The following SAMD12 variants were observed in gnomAD, a reference collection of about 807,000 sequenced individuals.
The protein encoded by SAMD12 is sterile alpha motif domain containing 12, also known as sterile alpha motif domain-containing protein 12.
SAMD12 carries 9 observed loss-of-function variants against 15.0 expected under a neutral mutation model. The observed-to-expected ratio is 0.60, with a 90% CI of 0.36 to 1.05. SAMD12 has a LOEUF of 1.05. Among genes scored for constraint, SAMD12 ranks in the 50% least tolerant of loss-of-function variants. SAMD12 has a pLI of 0.01. For missense variants in SAMD12, 230 were observed against 234.2 expected, an observed-to-expected ratio of 0.98 and a Z score of 0.12; for synonymous variants, 86 against 90.1, an observed-to-expected ratio of 0.96 and a Z score of 0.25.
At chr8:118,395,811 AGCCGGGCGTGGTGGCGGGC>A (rs1820528097) in intron 3 of SAMD12, among the ~76,000 whole-genome samples, 1 of 151,970 alleles carries the variant, frequency 6.6e-6, no homozygotes, top group African/African-American at 2.4e-5. Flanking sequence ...ACAAAAAATT[AGCCGGGCGTGGTGGCGGGC>A]GCCTGTAGTC....
chr8:118,447,555 G>A (rs554978451), intron 2 of SAMD12, among the ~76,000 whole-genome samples: 12 of 151,816 alleles, frequency 7.9e-5, no homozygotes, highest in East Asian at 1.9e-4. Context: ...TGCCTGCCTC[G>A]GCCTCCCAAA....
intron 4 of SAMD12, among the ~76,000 whole-genome samples, chr8:118,329,000 C>T (rs558623076): frequency 7.2e-5 from 11 of 152,260 alleles, no homozygotes; most frequent in South Asian, 4.1e-4. Context: ...TTATAAGCAT[C>T]TAGAAACCTG....
the SAMD12 span, among the ~76,000 whole-genome samples, chr8:118,152,233 G>A: frequency 0.31 from 46,452 of 152,048 alleles, 7,083 homozygotes; most frequent in African/African-American, 0.34. Flanking sequence ...GTCTTCAAGA[G>A]TTTAAAGTTG....
intron 2 of SAMD12, among the ~76,000 whole-genome samples, chr8:118,553,289 A>G (rs1026503034): frequency 1.3e-5 from 2 of 152,182 alleles, no homozygotes; most frequent in Non-Finnish European, 2.9e-5. Context: ...CTATACTACA[A>G]GGCTACAGTA....
chr8:118,428,158 A>G (rs990351163), intron 3 of SAMD12, among the ~76,000 whole-genome samples: 2 of 152,154 alleles, frequency 1.3e-5, no homozygotes, highest in African/African-American at 4.8e-5. Flanking sequence ...TGTATTTTGT[A>G]TACAAGTTCT....
At chr8:118,560,554 G>A (rs1033286490) in intron 2 of SAMD12, among the ~76,000 whole-genome samples, 3 of 152,134 alleles carry the variant, frequency 2.0e-5, no homozygotes, top group Admixed American at 6.5e-5. Flanking sequence ...TCCCTCTTTA[G>A]ACATGAAAAA....
intron 2 of SAMD12, among the ~76,000 whole-genome samples, chr8:118,571,503 C>T (rs1378225849): frequency 3.3e-5 from 5 of 152,244 alleles, no homozygotes; most frequent in Admixed American, 3.3e-4. Context: ...GAGAGCTTCA[C>T]AGCAGCCCCT....
At chr8:118,485,361 T>C (rs1038188054) in intron 2 of SAMD12, among the ~76,000 whole-genome samples, 17 of 152,048 alleles carry the variant, frequency 1.1e-4, no homozygotes, top group Non-Finnish European at 2.2e-4. Flanking sequence ...GTGGAAGAGA[T>C]GGGGGAAGGA....
Position 118,220,343 on chromosome 8 carries a change from C to T in SAMD12, c.434-22611G>A, listed in dbSNP as rs1366261635. ...TATATCTATCCACTATTTAAATCGACATAAATAATCTGGCCATGATTCTGT... is the reference window on the plus strand; with the variant it reads ...TATATCTATCCACTATTTAAATCGATATAAATAATCTGGCCATGATTCTGT... On this transcript the variant is annotated intron_variant, in intron 4 of 4. Transcript: ENST00000409003. Among the ~76,000 whole-genome samples, 3 of 152,156 alleles carry T rather than the reference C, an allele frequency of 2.0e-5. No individual in the cohort carries two copies. The East Asian group carries it at 5.8e-4, about 29-fold the overall frequency.
chr8:118,166,238 A>G, the SAMD12 span, among the ~76,000 whole-genome samples: 1 of 152,202 alleles, frequency 6.6e-6, no homozygotes, highest in Non-Finnish European at 1.5e-5. Flanking sequence ...TACTCTCAAG[A>G]TTATCAGTGC....
intron 1 of SAMD12, among the ~76,000 whole-genome samples, chr8:118,602,830 A>G (rs963332163): frequency 3.3e-5 from 5 of 152,354 alleles, no homozygotes; most frequent in Admixed American, 6.5e-5. Flanking sequence ...ATATTGGCAA[A>G]TATTTGAAGA....
intron 2 of SAMD12, among the ~76,000 whole-genome samples, chr8:118,473,132 A>T (rs1223839202): frequency 6.6e-6 from 1 of 152,116 alleles, no homozygotes; most frequent in African/African-American, 2.4e-5. Flanking sequence ...GCTTCAAAGC[A>T]GTTCTGGCAG....
chr8:118,341,341 C>T (rs1482611892), intron 4 of SAMD12, among the ~76,000 whole-genome samples: 1 of 152,176 alleles, frequency 6.6e-6, no homozygotes, highest in East Asian at 1.9e-4. Flanking sequence ...TAAGCCTTTC[C>T]AGATCCAAGA....
At chr8:118,406,315 C>T (rs1230428830) in intron 3 of SAMD12, among the ~76,000 whole-genome samples, 1 of 151,788 alleles carries the variant, frequency 6.6e-6, no homozygotes, top group East Asian at 1.9e-4. Context: ...GCTCTGTCAC[C>T]CAGGCTGGAG....
intron 4 of SAMD12, among the ~76,000 whole-genome samples, chr8:118,297,115 G>T (rs1054288859): frequency 6.6e-6 from 1 of 152,164 alleles, no homozygotes; most frequent in Admixed American, 6.5e-5. Context: ...ATGAAATGAT[G>T]AGGTAAGTGT....
chr8:118,534,399 G>C (rs1044493539), intron 2 of SAMD12, among the ~76,000 whole-genome samples: 1 of 151,982 alleles, frequency 6.6e-6, no homozygotes, highest in Admixed American at 6.6e-5. Context: ...TTCAACTTTG[G>C]TGAATCTGAC....
intron 4 of SAMD12, among the ~76,000 whole-genome samples, chr8:118,343,212 TTCC>T (rs1817461162): frequency 1.3e-5 from 2 of 151,978 alleles, no homozygotes; most frequent in African/African-American, 2.4e-5. Flanking sequence ...ACTCAGCCAC[TTCC>T]AACAGAGTGG....
rs73318058 is a variant in SAMD12, at chr8:118,233,642, A to G, written c.434-35910T>C. ...CTGGCTTTTAGGAGAATCCCATCCA[A>G]TGGCATCTCCTTGCCTTCTCTTCCT... On this transcript the variant is annotated intron_variant, in intron 4 of 4. Transcript: ENST00000409003. Among the ~76,000 whole-genome samples, 870 of 152,224 alleles carry G rather than the reference A, an allele frequency of 5.7e-3. 6 individuals are homozygous for G. Among genetic ancestry groups the G allele is most frequent in the African/African-American group, 0.02 (828 of 41,542 alleles).
At chr8:118,503,052 C>T (rs748964969) in intron 2 of SAMD12, among the ~76,000 whole-genome samples, 35 of 152,200 alleles carry the variant, frequency 2.3e-4, no homozygotes, top group Non-Finnish European at 1.2e-4. Context: ...ATATTAGACA[C>T]ATCAAGGTAA....
Sources: gnomAD v4.1 joint callset for allele counts (sites outside exome capture counted in the v4.1 genomes callset) on GRCh38, gnomAD v4.1.1 for gene constraint, MANE v1.5 for transcripts, NCBI Gene and HGNC (gene_info 2026-07-23, HGNC 2026-07-21) for gene names.